Variants in MYO16 observed in about 807,000 individuals in gnomAD.
MYO16 encodes unconventional myosin-XVI.
A neutral mutation model predicts 205.3 loss-of-function variants in MYO16; 94 were observed. The ratio of observed to expected loss-of-function variants is 0.46; its 90% confidence interval spans 0.39 to 0.54. MYO16 has a LOEUF of 0.54. Among genes scored for constraint, MYO16 ranks in the 20% least tolerant of loss-of-function variants. MYO16 has a pLI of 0.00. For synonymous variants in MYO16, 988 were observed against 954.0 expected (o/e 1.04, Z -0.66); for missense variants, 2,315 against 2,387.5 (o/e 0.97, Z 0.63).
intron 2 of MYO16, among the ~76,000 whole-genome samples, chr13:108,691,989 G>T (rs1882915578): frequency 6.6e-6 from 1 of 152,138 alleles, no homozygotes; most frequent in South Asian, 2.1e-4. Flanking sequence ...CAACAAAGCA[G>T]ATGCATTTTT....
intron 22 of MYO16, among the ~76,000 whole-genome samples, chr13:109,013,846 T>C (rs1177900446): frequency 2.0e-5 from 3 of 152,180 alleles, no homozygotes; most frequent in African/African-American, 7.2e-5. Flanking sequence ...GTTTAAGTTC[T>C]TTGTAGATTC....
chr13:109,120,592 A>G (rs900450168), intron 29 of MYO16, 126 bp downstream of exon 29: 4 of 599,424 alleles, frequency 6.7e-6, no homozygotes, highest in Admixed American at 3.7e-5. Flanking sequence ...CGATTCCTGG[A>G]TGCTATCTTC....
upstream of MYO16, among the ~76,000 whole-genome samples, chr13:108,628,336 A>G (rs537721669): frequency 1.3e-5 from 2 of 152,338 alleles, no homozygotes; most frequent in East Asian, 3.9e-4. Context: ...TAAAGCGTCC[A>G]TAATCATCAT....
At position 109,055,653 on chromosome 13, in the gene MYO16, ACACTG is replaced by A; in HGVS notation, c.3335+59_3335+63del. ...CGCTGCTGTTCAGTGCAGTGTACTGACACTGACACTATTGTAGCAAGGGTCTTCTG... is the reference window on the plus strand; with the variant it reads ...CGCTGCTGTTCAGTGCAGTGTACTGAACACTATTGTAGCAAGGGTCTTCTG... On this transcript the variant is annotated intron_variant, in intron 27 of 34. Coordinates refer to ENST00000457511, the MANE Select transcript of MYO16 (RefSeq NM_001198950.3). This position sits in a 1 kb window ranked among gnomAD's most constrained non-coding sequence, Gnocchi z 5.0. 7.1e-7 allele frequency: 1 copy of A among 1,408,526 alleles called. No homozygotes were observed. The highest frequency in any genetic ancestry group is 9.9e-7 in the Non-Finnish European group (1 of 1,006,990). The allele number at this position is 1,408,526 out of a possible 1,614,324, so 87.3% of individuals were successfully genotyped here. A position where few individuals can be genotyped will look rare whatever the true frequency, so the allele number is the denominator to read the frequency against.
In MYO16 at chr13:109,082,767, G is replaced by A. The variant is rs539422583; in HGVS notation, c.3336-18018G>A. On this transcript the variant is annotated intron_variant, in intron 27 of 34. Transcript: ENST00000457511. The stretch of plus-strand genomic sequence containing the variant: ...GGAGAATCACTTGAACCTGGGAGGC[G>A]GAGGTTGCAGTAACTCCATCTCAAA... Among the ~76,000 whole-genome samples, 14 of 151,394 alleles carry A rather than the reference G, an allele frequency of 9.2e-5. No homozygotes were observed. The East Asian group carries it at 1.4e-3, about 15-fold the overall frequency.
chr13:108,804,133 C>A (rs1055942294), intron 6 of MYO16, among the ~76,000 whole-genome samples: 1 of 152,120 alleles, frequency 6.6e-6, no homozygotes, highest in Non-Finnish European at 1.5e-5. Flanking sequence ...AACTCTAAAC[C>A]ACTGCTTCTC....
At chr13:108,986,206 G>A (rs922542105) in intron 20 of MYO16, among the ~76,000 whole-genome samples, 2 of 152,114 alleles carry the variant, frequency 1.3e-5, no homozygotes, top group African/African-American at 4.8e-5. Context: ...GGGATTATGG[G>A]AGCTACAGTT....
In MYO16 at chr13:109,055,458, C is replaced by T. The variant is rs1279472688; in HGVS notation, c.3198C>T (p.Pro1066=). 1.2e-6 allele frequency: 2 copies of T among 1,613,040 alleles called. No individual in the cohort carries two copies. The highest frequency in any genetic ancestry group is 1.1e-5 in the South Asian group (1 of 91,070). Residue 1066 remains proline, a synonymous_variant, in exon 27 of 35, where the codon CCC becomes CCT. Coordinates refer to ENST00000457511, the MANE Select transcript of MYO16 (RefSeq NM_001198950.3). The surrounding 1 kb of genome is among the most constrained non-coding windows in gnomAD (Gnocchi z 5.0). The stretch of plus-strand genomic sequence containing the variant: ...CACACTTCATTCATTGCATCAGGCC[C>T]AATAACTCAAAGCTGCCAGATACTT... ...CTPHFIHCIR[P]NNSKLPDTFD... is the part of the protein sequence containing the mutation.
At chr13:109,068,757 AATTTTGT>A (rs973761279) in intron 27 of MYO16, among the ~76,000 whole-genome samples, 44 of 152,060 alleles carry the variant, frequency 2.9e-4, no homozygotes, top group African/African-American at 1.1e-3. Context: ...ATGCTCAGCT[AATTTTGT>A]ATTTTTAGTA....
chr13:108,783,658 T>C (rs752194998), intron 4 of MYO16, among the ~76,000 whole-genome samples: 5 of 152,182 alleles, frequency 3.3e-5, no homozygotes, highest in African/African-American at 7.2e-5. Context: ...TCCCACGTGT[T>C]GTGGGACAGA....
At chr13:108,940,299 T>G (rs559097236) in intron 16 of MYO16, among the ~76,000 whole-genome samples, 1 of 152,252 alleles carries the variant, frequency 6.6e-6, no homozygotes, top group African/African-American at 2.4e-5. Flanking sequence ...AATAGGATGC[T>G]TCCTATTTCT....
intron 31 of MYO16, among the ~76,000 whole-genome samples, chr13:109,135,657 C>T (rs1876743293): frequency 1.3e-5 from 2 of 152,150 alleles, no homozygotes; most frequent in Non-Finnish European, 2.9e-5. Context: ...CATTGCACCT[C>T]GCCAAAATTT....
chr13:108,610,516 C>T (rs909311280), intron 1 of MYO16, among the ~76,000 whole-genome samples: 3 of 152,104 alleles, frequency 2.0e-5, no homozygotes, highest in African/African-American at 7.2e-5. Context: ...AAGGCCCCTG[C>T]CCTTGTTTAT....
intron 29 of MYO16, among the ~76,000 whole-genome samples, chr13:109,123,376 C>T (rs537538856): frequency 5.9e-5 from 9 of 152,294 alleles, no homozygotes; most frequent in African/African-American, 1.9e-4. Flanking sequence ...TTAATCTTCT[C>T]TTTATTCCAA....
At chr13:109,043,907 A>G (rs896690828) in intron 23 of MYO16, among the ~76,000 whole-genome samples, 1 of 152,172 alleles carries the variant, frequency 6.6e-6, no homozygotes, top group African/African-American at 2.4e-5. Context: ...GAATGAGCCA[A>G]TCTGGGCTGG....
At chr13:108,529,001 C>A in the MYO16 span, among the ~76,000 whole-genome samples, 1 of 151,840 alleles carries the variant, frequency 6.6e-6, no homozygotes, top group Admixed American at 6.6e-5. Flanking sequence ...TTTTAACATT[C>A]CCTTTCATCT....
Position 109,162,448 on chromosome 13 carries a change from T to G in MYO16, c.5165-2453T>G, listed in dbSNP as rs1044277002. On this transcript the variant is annotated intron_variant, in intron 32 of 34. Coordinates refer to ENST00000457511, the MANE Select transcript of MYO16 (RefSeq NM_001198950.3). The surrounding 1 kb of genome is among the most constrained non-coding windows in gnomAD (Gnocchi z 4.6). ...TGAACATGGTGAGCTCTTTCCTGCTTTGGGGTATTTACACATGGTGTGGAG... is the reference window on the plus strand; with the variant it reads ...TGAACATGGTGAGCTCTTTCCTGCTGTGGGGTATTTACACATGGTGTGGAG... 3.3e-5 allele frequency among the ~76,000 whole-genome samples: 5 copies of G among 152,130 alleles called. No homozygotes were observed. The highest frequency in any genetic ancestry group is 7.3e-5 in the Non-Finnish European group (5 of 68,034).
Position 108,806,809 on chromosome 13 carries a change from AGT to A in MYO16, c.867+7_867+8del. The A allele has an allele frequency of 6.6e-7, 1 of 1,510,810 alleles. No individual in the cohort carries two copies. Among genetic ancestry groups the A allele is most frequent in the Non-Finnish European group, 8.9e-7 (1 of 1,125,140 alleles). 93.6% of individuals were successfully genotyped at this position (1,510,810 alleles called of 1,614,324 possible). A position where few individuals can be genotyped will look rare whatever the true frequency, so the allele number is the denominator to read the frequency against. On this transcript the variant is annotated splice_donor_region_variant and intron_variant, in intron 7 of 34. Transcript: ENST00000457511. The stretch of plus-strand genomic sequence containing the variant: ...TTGGCAGCCAAATATGGCCAGGTAG[AGT>A]GATTTGCTGAATTCTTTAAAAAATA...
chr13:108,632,299 A>T (rs1880024376), intron 1 of MYO16, among the ~76,000 whole-genome samples: 1 of 152,026 alleles, frequency 6.6e-6, no homozygotes, highest in Non-Finnish European at 1.5e-5. Context: ...TCTGTCTTTC[A>T]TTCTGAGCCA....
Sources: gnomAD v4.1 joint callset for allele counts (sites outside exome capture counted in the v4.1 genomes callset) on GRCh38, gnomAD v4.1.1 for gene constraint, Gnocchi (gnomAD v3.1) non-coding constraint, MANE v1.5 for transcripts, NCBI Gene and HGNC (gene_info 2026-07-23, HGNC 2026-07-21) for gene names.